The following ASB3 variants were observed in gnomAD, a reference collection of about 807,000 sequenced individuals.
ASB3 encodes the protein ankyrin repeat and SOCS box protein 3.
ASB3 carries 41 observed loss-of-function variants against 54.5 expected under a neutral mutation model. The observed-to-expected ratio is 0.75, with a 90% CI of 0.59 to 0.98. ASB3 has a LOEUF of 0.98. Ranked by LOEUF, ASB3 falls within the 50% of genes least tolerant of loss-of-function variation. ASB3 has a pLI of 0.00. For synonymous variants in ASB3, 266 were observed against 221.2 expected (o/e 1.20, Z -1.80); for missense variants, 733 against 620.0 (o/e 1.18, Z -1.94).
At chr2:53,680,795 T>C (rs910956552) in intron 9 of ASB3, among the ~76,000 whole-genome samples, 1 of 152,200 alleles carries the variant, frequency 6.6e-6, no homozygotes, top group East Asian at 1.9e-4. Flanking sequence ...AGACACTCTA[T>C]TGTGATATCA....
At chr2:53,772,444 G>C (rs1381060490) in intron 1 of ASB3, among the ~76,000 whole-genome samples, 1 of 152,018 alleles carries the variant, frequency 6.6e-6, no homozygotes, top group East Asian at 1.9e-4. Context: ...AAAGTGCTGG[G>C]ATTACAGGCA....
intron 7 of ASB3, among the ~76,000 whole-genome samples, chr2:53,708,215 G>T (rs1414388621): frequency 6.6e-6 from 1 of 152,068 alleles, no homozygotes; most frequent in African/African-American, 2.4e-5. Context: ...TCTTGTGAGA[G>T]CTAGTTGTTT....
intron 3 of ASB3, 113 bp downstream of exon 3, chr2:53,750,670 G>A (rs765029653): frequency 1.2e-5 from 14 of 1,174,016 alleles, no homozygotes; most frequent in Non-Finnish European, 1.5e-5. Context: ...TGGTATGATA[G>A]TTGCCAAAAG....
intron 1 of ASB3, among the ~76,000 whole-genome samples, chr2:53,776,330 C>T (rs943229610): frequency 2.0e-5 from 3 of 151,992 alleles, no homozygotes; most frequent in African/African-American, 7.3e-5. Context: ...TCTAATTTAC[C>T]ATCCCTGGTT....
chr2:53,713,965 T>C (rs1339335788), intron 7 of ASB3, among the ~76,000 whole-genome samples: 1 of 152,036 alleles, frequency 6.6e-6, no homozygotes, highest in Non-Finnish European at 1.5e-5. Flanking sequence ...AAAAACACAA[T>C]AATATCTATA....
chr2:53,744,872 T>C (rs896286137), intron 3 of ASB3, among the ~76,000 whole-genome samples: 2 of 152,216 alleles, frequency 1.3e-5, no homozygotes, highest in Non-Finnish European at 2.9e-5. Context: ...CAGTTAAATA[T>C]TGAAATAGGC....
chr2:53,728,573 G>A, intron 5 of ASB3, 139 bp downstream of exon 5: 1 of 1,147,928 alleles, frequency 8.7e-7, no homozygotes. Flanking sequence ...AAATCAATTT[G>A]TATTTACTCT....
chr2:53,725,768 G>A (rs2103889333), intron 5 of ASB3, among the ~76,000 whole-genome samples: 1 of 152,174 alleles, frequency 6.6e-6, no homozygotes, highest in East Asian at 1.9e-4. Flanking sequence ...AAACTACACA[G>A]AACACAAATG....
chr2:53,671,094 A>G (rs1310851099), intron 9 of ASB3, among the ~76,000 whole-genome samples: 2 of 152,216 alleles, frequency 1.3e-5, no homozygotes, highest in Non-Finnish European at 2.9e-5. Context: ...GAATAGATGT[A>G]CAGCTTGCAA....
chr2:53,748,917 A>C (rs1672373229), intron 3 of ASB3, among the ~76,000 whole-genome samples: 1 of 152,132 alleles, frequency 6.6e-6, no homozygotes, highest in Non-Finnish European at 1.5e-5. Flanking sequence ...GATTATGATC[A>C]TCATATGGTA....
chr2:53,712,784 G>A (rs144686977), intron 7 of ASB3, among the ~76,000 whole-genome samples: 6 of 151,816 alleles, frequency 4.0e-5, no homozygotes, highest in South Asian at 2.1e-4. Context: ...GCGCGCGCGC[G>A]CAATCCAAAA....
At chr2:53,705,877 G>A (rs1030036683) in intron 7 of ASB3, among the ~76,000 whole-genome samples, 2 of 152,100 alleles carry the variant, frequency 1.3e-5, no homozygotes, top group South Asian at 4.1e-4. Context: ...TGCCCAGAGA[G>A]GGACAGTATG....
chr2:53,775,705 A>T (rs1376758530), intron 1 of ASB3, among the ~76,000 whole-genome samples: 1 of 152,082 alleles, frequency 6.6e-6, no homozygotes, highest in Admixed American at 6.6e-5. Flanking sequence ...CGATCTCCTG[A>T]CCTCAGGTGA....
chr2:53,679,883 G>C (rs776300562), intron 9 of ASB3, among the ~76,000 whole-genome samples: 3 of 151,782 alleles, frequency 2.0e-5, no homozygotes, highest in Non-Finnish European at 2.9e-5. Context: ...TTTTTTCCTG[G>C]TCCTCTCCTT....
intron 9 of ASB3, among the ~76,000 whole-genome samples, chr2:53,684,087 T>G (rs1388360252): frequency 6.6e-6 from 1 of 152,222 alleles, no homozygotes; most frequent in Non-Finnish European, 1.5e-5. Flanking sequence ...ATGCTTTAGC[T>G]ATATCATTTA....
chr2:53,754,106 G>C (rs1013386019), intron 2 of ASB3, among the ~76,000 whole-genome samples: 2 of 152,052 alleles, frequency 1.3e-5, no homozygotes, highest in Non-Finnish European at 2.9e-5. Context: ...ATGCAAAAGA[G>C]ACAATAGGAG....
chr2:53,703,188 G>A (rs1669584631), intron 7 of ASB3, among the ~76,000 whole-genome samples: 1 of 152,148 alleles, frequency 6.6e-6, no homozygotes, highest in Admixed American at 6.5e-5. Flanking sequence ...TCCATTTGGA[G>A]GAATCTTTTT....
rs2287339 is a variant in ASB3 at position 53,765,456 on chromosome 2, A to T, written c.117T>A (p.Ala39=). 0.041 allele frequency: 66,240 copies of T among 1,614,196 alleles called. 3,553 individuals carry two copies. Among genetic ancestry groups the T allele is most frequent in the East Asian group, 0.25 (11,341 of 44,870 alleles). The part of the protein sequence containing the change: ...LLKKGRSVDV[A]DNRGWMPIHE... ...GAATTGGCATCCATCCCCTGTTATCAGCAACATCGACACTTCGGCCCTTTT... is the reference window on the plus strand; with the variant it reads ...GAATTGGCATCCATCCCCTGTTATCTGCAACATCGACACTTCGGCCCTTTT... Residue 39 remains alanine, a synonymous_variant, in exon 2 of 10, where the codon GCT becomes GCA. Coordinates refer to ENST00000263634, the MANE Select transcript of ASB3 (RefSeq NM_016115.5).
intron 9 of ASB3, among the ~76,000 whole-genome samples, chr2:53,679,742 A>G (rs1199526225): frequency 1.3e-5 from 2 of 152,050 alleles, no homozygotes; most frequent in African/African-American, 4.8e-5. Flanking sequence ...CATTCACATA[A>G]TTTTTTTAAA....
Sources: allele counts gnomAD v4.1 joint callset (sites outside exome capture counted in the v4.1 genomes callset), GRCh38; gene constraint gnomAD v4.1.1; transcripts MANE v1.5; gene names NCBI Gene and HGNC (gene_info 2026-07-23, HGNC 2026-07-21).